The following GALNT9 variants were observed in gnomAD, a reference collection of about 807,000 sequenced individuals.
GALNT9 encodes the protein polypeptide N-acetylgalactosaminyltransferase 9.
Under a neutral mutation model 63.1 loss-of-function variants are expected in GALNT9, and 47 were observed. The observed-to-expected ratio is 0.75, with a 90% CI of 0.59 to 0.95. The LOEUF (loss-of-function observed/expected upper bound fraction) is 0.95, where lower values mean the gene tolerates loss of function less well. Ranked by LOEUF, GALNT9 falls within the 40% of genes least tolerant of loss-of-function variation. The pLI is 0.00. For missense variants in GALNT9, 829 were observed against 874.8 expected, an observed-to-expected ratio of 0.95 and a Z score of 0.66; for synonymous variants, 396 against 365.7, an observed-to-expected ratio of 1.08 and a Z score of -0.94.
At chr12:132,218,294 G>A (rs2135518400) in intron 6 of GALNT9, among the ~76,000 whole-genome samples, 1 of 152,180 alleles carries the variant, frequency 6.6e-6, no homozygotes, top group Non-Finnish European at 1.5e-5. Context: ...AAAAGGGTTG[G>A]ATGCACCAGA....
In GALNT9 at chr12:132,214,979, G is replaced by A. The variant is rs947967478; in HGVS notation, c.1078-11289C>T. Among the ~76,000 whole-genome samples, 3 of 152,262 alleles carry A rather than the reference G, an allele frequency of 2.0e-5. No homozygotes were observed. In the East Asian group the frequency reaches 5.8e-4, roughly 29 times the overall value. On this transcript the variant is annotated intron_variant, in intron 6 of 10. Coordinates refer to ENST00000328957, the MANE Select transcript of GALNT9 (RefSeq NM_001122636.2). ...ATTCTGGCTGACAGGCAAAGCCAGCGTGAGGCTGTGAGAGTGGAGAAACCT... is the reference window on the plus strand; with the variant it reads ...ATTCTGGCTGACAGGCAAAGCCAGCATGAGGCTGTGAGAGTGGAGAAACCT...
In GALNT9 at chr12:132,296,191, C is replaced by T. The variant is rs1881071600; in HGVS notation, c.239-9761G>A. Reference sequence around the variant, plus strand: ...GAGCCTCCGGAATAGGGACGGCCTCCGAACAGGGAGAGTGTCCGTTTCTGT... The same window carrying T: ...GAGCCTCCGGAATAGGGACGGCCTCTGAACAGGGAGAGTGTCCGTTTCTGT... On this transcript the variant is annotated intron_variant, in intron 1 of 10. Transcript: ENST00000328957. This position sits in a 1 kb window ranked among gnomAD's most constrained non-coding sequence, Gnocchi z 4.2. Among the ~76,000 whole-genome samples the T allele has an allele frequency of 6.6e-6, 1 of 152,120 alleles. No individual in the cohort carries two copies. Among genetic ancestry groups the T allele is most frequent in the Admixed American group, 6.5e-5 (1 of 15,284 alleles).
intron 1 of GALNT9, among the ~76,000 whole-genome samples, chr12:132,292,599 C>T (rs1264567025): frequency 5.9e-5 from 9 of 152,206 alleles, no homozygotes; most frequent in South Asian, 2.1e-4. Context: ...TACAACACTG[C>T]GCAGAATGTG....
rs1555233496 is a variant in GALNT9, at chr12:132,201,395, A to AGGGCCCATCC, written c.1264-135_1264-134insGGATGGGCCC. 1.1e-5 allele frequency: 7 copies of AGGGCCCATCC among 609,230 alleles called. No homozygotes were observed. In the African/African-American group the frequency reaches 1.3e-4, roughly 11 times the overall value. The allele number at this position is 609,230 out of a possible 1,614,324, so 37.7% of individuals were successfully genotyped here. A position where few individuals can be genotyped will look rare whatever the true frequency, so the allele number is the denominator to read the frequency against. On this transcript the variant is annotated intron_variant, in intron 7 of 10. Transcript: ENST00000328957. ...CCTCCCCCCCAGTATTCAGATGCTG[A>AGGGCCCATCC]GGCCCCATCCAGTTGGGACCCCCCA...
At chr12:132,202,568 C>T (rs1257273271) in intron 7 of GALNT9, among the ~76,000 whole-genome samples, 1 of 152,204 alleles carries the variant, frequency 6.6e-6, no homozygotes, top group Non-Finnish European at 1.5e-5. Flanking sequence ...AGAAGGGTCA[C>T]TTTGGTGCTA....
chr12:132,328,122 G>A (rs1869121094), intron 1 of GALNT9, among the ~76,000 whole-genome samples: 1 of 152,206 alleles, frequency 6.6e-6, no homozygotes, highest in Admixed American at 6.5e-5. Flanking sequence ...GTGGCCTTGG[G>A]GGCGGCTGCT....
In GALNT9 at chr12:132,252,977, G is replaced by T. The variant is rs1878982533; in HGVS notation, c.959+4712C>A. Among the ~76,000 whole-genome samples, 1 of 152,160 alleles carries T rather than the reference G, an allele frequency of 6.6e-6. No homozygotes were observed. The highest frequency in any genetic ancestry group is 2.4e-5 in the African/African-American group (1 of 41,418). On this transcript the variant is annotated intron_variant, in intron 5 of 10. Transcript: ENST00000328957. The surrounding 1 kb of genome is among the most constrained non-coding windows in gnomAD (Gnocchi z 5.2). ...AGGACGAGGGGGCAGGGTAAGGAGG[G>T]TGAATCTTCTAAGTGATTGACAAGG...
intron 1 of GALNT9, among the ~76,000 whole-genome samples, chr12:132,291,764 G>A (rs1334547153): frequency 7.2e-5 from 11 of 152,220 alleles, no homozygotes; most frequent in Admixed American, 7.2e-4. Context: ...GAGACCAGAT[G>A]CGCTCAGTCC....
At chr12:132,203,425 C>T (rs1048820023) in intron 7 of GALNT9, 80 bp downstream of exon 7, 1 of 1,406,524 alleles carries the variant, frequency 7.1e-7, no homozygotes, top group South Asian at 1.3e-5. Flanking sequence ...CCTAGGGGGC[C>T]TCCCTCCGGC....
At chr12:132,200,916 C>T (rs1384371223) in intron 8 of GALNT9, 1 of 571,070 alleles carries the variant, frequency 1.8e-6, no homozygotes, top group East Asian at 3.0e-5. Flanking sequence ...CTTGTGTGTG[C>T]ACGTGGATGT....
At position 132,243,839 on chromosome 12, in the gene GALNT9, A is replaced by ATCAATCACCGGCCAATCACCCG. The variant is rs1234853782; in HGVS notation, c.1077+4049_1077+4070dup. On this transcript the variant is annotated intron_variant, in intron 6 of 10. Coordinates refer to ENST00000328957, the MANE Select transcript of GALNT9 (RefSeq NM_001122636.2). ...GTCCCAGCCCACCCGTCAATCACCC[A>ATCAATCACCGGCCAATCACCCG]TCAATCACCGGCCAATCACCCGTCA... Among the ~76,000 whole-genome samples, 7 of 152,132 alleles carry ATCAATCACCGGCCAATCACCCG rather than the reference A, an allele frequency of 4.6e-5. No individual in the cohort carries two copies. In the South Asian group the frequency reaches 6.2e-4, roughly 14 times the overall value.
At chr12:132,305,315 A>G (rs1465164871) in intron 1 of GALNT9, among the ~76,000 whole-genome samples, 1 of 44,532 alleles carries the variant, frequency 2.2e-5, no homozygotes, top group Non-Finnish European at 3.8e-5. Flanking sequence ...GCACACCCTC[A>G]CCCAGACACG....
At position 132,290,770 on chromosome 12, in the gene GALNT9, A is replaced by ACCACAGCACCCACGT. The variant is rs1314908710; in HGVS notation, c.239-4355_239-4341dup. Among the ~76,000 whole-genome samples the ACCACAGCACCCACGT allele has an allele frequency of 2.6e-4, 6 of 22,922 alleles. 1 individual carries two copies. The highest frequency in any genetic ancestry group is 4.3e-4 in the Non-Finnish European group (6 of 13,858). The allele number at this position is 22,922 out of a possible 152,430, so 15.0% of individuals were successfully genotyped here. The stretch of plus-strand genomic sequence containing the variant: ...AGCACCCACATCCACAGCACCCACA[A>ACCACAGCACCCACGT]CCACAGCACCCACGTCCACAGCACC... On this transcript the variant is annotated intron_variant, in intron 1 of 10. Transcript: ENST00000328957.
chr12:132,226,021 C>T (rs1322411973), intron 6 of GALNT9, among the ~76,000 whole-genome samples: 3 of 135,270 alleles, frequency 2.2e-5, no homozygotes, highest in African/African-American at 8.5e-5. Flanking sequence ...TTGTACACAC[C>T]CCACATACAC....
intron 2 of GALNT9, chr12:132,284,738 T>C (rs557924167): frequency 6.6e-6 from 1 of 152,420 alleles, no homozygotes; most frequent in East Asian, 1.9e-4. Flanking sequence ...CGCACTGCCG[T>C]GCTGTCTAAG....
intron 6 of GALNT9, among the ~76,000 whole-genome samples, chr12:132,228,099 C>G (rs982226354): frequency 6.6e-6 from 1 of 151,880 alleles, no homozygotes; most frequent in Admixed American, 6.6e-5. Flanking sequence ...GCAGGGGTGG[C>G]GGGGGGGCAC....
At chr12:132,295,451 G>A (rs1391923386) in intron 1 of GALNT9, among the ~76,000 whole-genome samples, 1 of 151,436 alleles carries the variant, frequency 6.6e-6, no homozygotes, top group Non-Finnish European at 1.5e-5. Flanking sequence ...TCTGGAAACG[G>A]TCTTCGCTGA....
intron 2 of GALNT9, chr12:132,278,460 A>G (rs1555241417): frequency 6.6e-6 from 1 of 152,174 alleles, no homozygotes; most frequent in Non-Finnish European, 1.5e-5. Context: ...CCTCCCCGGG[A>G]GCCGGTGCTG....
At position 132,252,203 on chromosome 12, in the gene GALNT9, G is replaced by A. The variant is rs1555238642; in HGVS notation, c.960-4176C>T. Among the ~76,000 whole-genome samples the A allele has an allele frequency of 6.6e-6, 1 of 152,152 alleles. No homozygotes were observed. The highest frequency in any genetic ancestry group is 2.4e-5 in the African/African-American group (1 of 41,432). The stretch of plus-strand genomic sequence containing the variant: ...AGGACTGTCCCATTGAAGCTCAGGT[G>A]CTTCAACTCTGCAGGGAGCAAAGAG... On this transcript the variant is annotated intron_variant, in intron 5 of 10. Transcript: ENST00000328957. The surrounding 1 kb of genome is among the most constrained non-coding windows in gnomAD (Gnocchi z 5.2).
Sources: allele counts gnomAD v4.1 joint callset (sites outside exome capture counted in the v4.1 genomes callset), GRCh38; gene constraint gnomAD v4.1.1; non-coding constraint Gnocchi (gnomAD v3.1); transcripts MANE v1.5; gene names NCBI Gene and HGNC (gene_info 2026-07-23, HGNC 2026-07-21).